The following FAM169A variants were observed in gnomAD, a reference collection of about 807,000 sequenced individuals.
FAM169A encodes family with sequence similarity 169 member A.
In FAM169A, 24 loss-of-function variants were observed where a neutral mutation model predicts 75.7. The observed-to-expected ratio is 0.32, with a 90% CI of 0.23 to 0.45. The LOEUF (loss-of-function observed/expected upper bound fraction) is 0.45. FAM169A is among the 20% of genes least tolerant of loss of function. FAM169A has a pLI of 1.00. For missense variants in FAM169A, 673 were observed against 784.0 expected, an observed-to-expected ratio of 0.86 and a Z score of 1.69; for synonymous variants, 271 against 271.0, an observed-to-expected ratio of 1.00 and a Z score of 0.00.
chr5:74,807,040 A>C (rs1580106043), intron 6 of FAM169A, among the ~76,000 whole-genome samples: 1 of 152,220 alleles, frequency 6.6e-6, no homozygotes, highest in African/African-American at 2.4e-5. Flanking sequence ...GCAACAGTAA[A>C]GTTGAAAAGG....
At chr5:74,851,644 C>T (rs1440713318) in intron 1 of FAM169A, among the ~76,000 whole-genome samples, 1 of 152,182 alleles carries the variant, frequency 6.6e-6, no homozygotes, top group African/African-American at 2.4e-5. Context: ...GATCCTACTA[C>T]ATACTGTAGT....
At chr5:74,804,120 T>G (rs1430808394) in intron 8 of FAM169A, among the ~76,000 whole-genome samples, 1 of 152,008 alleles carries the variant, frequency 6.6e-6, no homozygotes, top group Non-Finnish European at 1.5e-5. Flanking sequence ...TCCAAGAGAA[T>G]AAAAATAAAA....
chr5:74,805,858 A>C (rs1233934413), intron 6 of FAM169A, among the ~76,000 whole-genome samples: 1 of 151,946 alleles, frequency 6.6e-6, no homozygotes, highest in Non-Finnish European at 1.5e-5. Context: ...AACAAATCCC[A>C]ACACAACTTA....
intron 1 of FAM169A, among the ~76,000 whole-genome samples, chr5:74,857,565 G>A (rs1312010303): frequency 2.2e-5 from 2 of 91,654 alleles, no homozygotes; most frequent in East Asian, 3.7e-4. Context: ...GCCAGACCTT[G>A]CCGCGGGAAA....
chr5:74,799,701 T>C, intron 10 of FAM169A: 2 of 1,251,884 alleles, frequency 1.6e-6, no homozygotes, highest in Non-Finnish European at 2.3e-6. Flanking sequence ...CCTCAAAAAG[T>C]GTGCATGTCT....
At chr5:74,803,448 C>G (rs1561297067) in intron 8 of FAM169A, among the ~76,000 whole-genome samples, 2 of 152,112 alleles carry the variant, frequency 1.3e-5, no homozygotes, top group Non-Finnish European at 2.9e-5. Flanking sequence ...GAATAGTCAA[C>G]TCTCATGCTA....
At chr5:74,866,503 C>T (rs973956413), upstream of FAM169A, 4 of 643,712 alleles carry the variant, frequency 6.2e-6, no homozygotes, top group South Asian at 6.8e-5. Flanking sequence ...GCCCTGCCTC[C>T]CTCCAGCCCC....
At chr5:74,801,433 C>T (rs1746571285) in intron 9 of FAM169A, among the ~76,000 whole-genome samples, 157 bp downstream of exon 9, 1 of 152,128 alleles carries the variant, frequency 6.6e-6, no homozygotes, top group South Asian at 2.1e-4. Flanking sequence ...AAATCAGTGG[C>T]AGTGGTGGCA....
chr5:74,782,576 T>C (rs1745467313), intron 12 of FAM169A, among the ~76,000 whole-genome samples: 3 of 152,366 alleles, frequency 2.0e-5, no homozygotes, highest in South Asian at 4.1e-4. Context: ...CTAATCTGTC[T>C]GCCTAATTAA....
At chr5:74,857,445 G>A (rs902502535) in intron 1 of FAM169A, among the ~76,000 whole-genome samples, 9 of 151,758 alleles carry the variant, frequency 5.9e-5, no homozygotes, top group African/African-American at 2.2e-4. Flanking sequence ...CAGCTACTCA[G>A]GGGGCTGAGG....
intron 5 of FAM169A, among the ~76,000 whole-genome samples, chr5:74,821,149 T>C (rs1257683104): frequency 6.6e-6 from 1 of 152,244 alleles, no homozygotes; most frequent in Non-Finnish European, 1.5e-5. Flanking sequence ...TTCATTGCTA[T>C]GTCTCCTTCT....
rs542853459 is a variant in FAM169A at position 74,787,278 on chromosome 5, C to T, written c.1261-4144G>A. On this transcript the variant is annotated intron_variant, in intron 11 of 12. Coordinates refer to ENST00000687041, the MANE Select transcript of FAM169A (RefSeq NM_001376049.1). The stretch of plus-strand genomic sequence containing the variant: ...AGGGACTCTGCATTTAATGTTGCTG[C>T]TCAGGGAATTTAAAAAGGTTCTAAT... Among the ~76,000 whole-genome samples, 48 of 152,234 alleles carry T rather than the reference C, an allele frequency of 3.2e-4. 1 individual carries two copies. In the South Asian group the frequency reaches 9.6e-3, roughly 30 times the overall value.
chr5:74,785,414 T>C (rs1411670292), intron 11 of FAM169A, among the ~76,000 whole-genome samples: 1 of 152,242 alleles, frequency 6.6e-6, no homozygotes, highest in Non-Finnish European at 1.5e-5. Flanking sequence ...TTTAACTTCC[T>C]ATATGTGCTT....
At chr5:74,838,075 C>T (rs1326759058) in intron 4 of FAM169A, among the ~76,000 whole-genome samples, 1 of 149,384 alleles carries the variant, frequency 6.7e-6, no homozygotes, top group Non-Finnish European at 1.5e-5. Flanking sequence ...AGAGATAGCA[C>T]CCCACTCCAG....
chr5:74,861,840 G>A (rs1561331675), intron 1 of FAM169A, among the ~76,000 whole-genome samples: 1 of 152,134 alleles, frequency 6.6e-6, no homozygotes, highest in Non-Finnish European at 1.5e-5. Flanking sequence ...TTATCATTAT[G>A]CACGTCAGCC....
chr5:74,799,779 G>A, intron 10 of FAM169A: 1 of 1,121,894 alleles, frequency 8.9e-7, no homozygotes, highest in South Asian at 1.2e-5. Context: ...CGCCGTGGCT[G>A]CTGGCCATGA....
chr5:74,789,651 G>A (rs974873964), intron 11 of FAM169A, among the ~76,000 whole-genome samples: 8 of 152,230 alleles, frequency 5.3e-5, no homozygotes, highest in Admixed American at 2.0e-4. Flanking sequence ...AGGCAGGGAT[G>A]CTGTGAGAAG....
intron 4 of FAM169A, among the ~76,000 whole-genome samples, chr5:74,836,914 C>A (rs1748597444): frequency 6.6e-6 from 1 of 150,746 alleles, no homozygotes; most frequent in Non-Finnish European, 1.5e-5. Flanking sequence ...TGCCACTGCA[C>A]TCCAGCCTGG....
rs866256457 is a variant in FAM169A, at chr5:74,779,784, T to G, written c.*1676A>C. 3.9e-5 allele frequency: 6 copies of G among 152,318 alleles called. No homozygotes were observed. The highest frequency in any genetic ancestry group is 4.1e-4 in the South Asian group (2 of 4,826). The allele number at this position is 152,318 out of a possible 1,614,324, so 9.4% of individuals were successfully genotyped here. ...CTAACACAAATAGGAGCGTTTACTA[T>G]TTTTGTCTGCTTTAAGATTTTAACT... On this transcript the variant is annotated 3_prime_UTR_variant, in exon 13 of 13. Coordinates refer to ENST00000687041, the MANE Select transcript of FAM169A (RefSeq NM_001376049.1).
Sources: gnomAD v4.1 joint callset for allele counts (sites outside exome capture counted in the v4.1 genomes callset) on GRCh38, gnomAD v4.1.1 for gene constraint, MANE v1.5 for transcripts, NCBI Gene and HGNC (gene_info 2026-07-23, HGNC 2026-07-21) for gene names.